AGBL4: variants seen among roughly 807,000 people sequenced by gnomAD.
AGBL4 encodes the protein cytosolic carboxypeptidase 6.
In AGBL4, 58 loss-of-function variants were observed where a neutral mutation model predicts 66.4. That is an observed-to-expected ratio of 0.87 (90% CI 0.71 to 1.09). AGBL4 has a LOEUF of 1.09. Among genes scored for constraint, AGBL4 ranks in the 50% least tolerant of loss-of-function variants. The pLI, the probability that AGBL4 is intolerant of heterozygous loss-of-function variation, is 0.00. For synonymous variants in AGBL4, 234 were observed against 222.9 expected (o/e 1.05, Z -0.44); for missense variants, 579 against 631.0 (o/e 0.92, Z 0.88).
chr1:48,799,529 A>G (rs948433051), intron 6 of AGBL4, among the ~76,000 whole-genome samples: 29 of 152,126 alleles, frequency 1.9e-4, no homozygotes, highest in African/African-American at 5.6e-4. Context: ...TACTAATACT[A>G]TGTTGAATAG....
chr1:48,648,531 A>G (rs1359573914), intron 8 of AGBL4, among the ~76,000 whole-genome samples: 1 of 152,150 alleles, frequency 6.6e-6, no homozygotes. Context: ...TGCTCAGGAG[A>G]GTAGTGAAAA....
At chr1:49,935,573 G>T (rs575968106) in intron 1 of AGBL4, among the ~76,000 whole-genome samples, 12 of 152,286 alleles carry the variant, frequency 7.9e-5, no homozygotes, top group Non-Finnish European at 1.2e-4. Flanking sequence ...CAGCCTAACT[G>T]GGAGGCACCC....
chr1:49,051,211 G>A (rs923172446), intron 4 of AGBL4, among the ~76,000 whole-genome samples: 8 of 152,080 alleles, frequency 5.3e-5, no homozygotes, highest in Non-Finnish European at 1.2e-4. Flanking sequence ...ATTCTTTCCA[G>A]GTTGTAAGTC....
intron 4 of AGBL4, among the ~76,000 whole-genome samples, chr1:49,115,739 A>G (rs1386460545): frequency 1.3e-5 from 2 of 152,126 alleles, no homozygotes; most frequent in Non-Finnish European, 2.9e-5. Flanking sequence ...ATTCAACACG[A>G]AGTTAATTTC....
At chr1:49,719,367 T>G (rs1266161461) in intron 2 of AGBL4, among the ~76,000 whole-genome samples, 1 of 152,112 alleles carries the variant, frequency 6.6e-6, no homozygotes, top group Non-Finnish European at 1.5e-5. Flanking sequence ...AGAAATCACT[T>G]CTTTTTAGAA....
At chr1:49,638,534 T>A (rs1645721303) in intron 3 of AGBL4, among the ~76,000 whole-genome samples, 1 of 152,206 alleles carries the variant, frequency 6.6e-6, no homozygotes, top group Non-Finnish European at 1.5e-5. Context: ...GAATTGTAGC[T>A]CTCATAATCC....
intron 5 of AGBL4, among the ~76,000 whole-genome samples, chr1:48,869,916 C>T (rs1450913594): frequency 6.6e-6 from 1 of 152,130 alleles, no homozygotes; most frequent in East Asian, 1.9e-4. Context: ...TTAGTAAAAT[C>T]AGTACATGTC....
rs1211278668 is a variant in AGBL4 at position 49,288,861 on chromosome 1, C to G, written c.283-42997G>C. ...CTCGACTGGATAAACATGATCTTCT[C>G]AAATGCTGTCTGCCTGGTAAAAAAA... On this transcript the variant is annotated intron_variant, in intron 3 of 13. Transcript: ENST00000371839. Among the ~76,000 whole-genome samples, 22 of 152,176 alleles carry G rather than the reference C, an allele frequency of 1.4e-4. 1 individual carries two copies.
At chr1:48,978,334 CA>C (rs1659500571) in intron 5 of AGBL4, among the ~76,000 whole-genome samples, 1 of 152,160 alleles carries the variant, frequency 6.6e-6, no homozygotes, top group Non-Finnish European at 1.5e-5. Flanking sequence ...TAGGTTCTGC[CA>C]ATAACTAAAG....
At chr1:49,076,064 G>A (rs1198069912) in intron 4 of AGBL4, among the ~76,000 whole-genome samples, 1 of 152,128 alleles carries the variant, frequency 6.6e-6, no homozygotes, top group Non-Finnish European at 1.5e-5. Flanking sequence ...TTTAAGTAAG[G>A]CAATATATTT....
chr1:49,147,077 G>A (rs1034036478), intron 4 of AGBL4, among the ~76,000 whole-genome samples: 1 of 152,186 alleles, frequency 6.6e-6, no homozygotes, highest in Non-Finnish European at 1.5e-5. Context: ...GGTGGAGCAG[G>A]AGATAGGTTT....
chr1:48,884,009 C>A (rs910841870), intron 5 of AGBL4, among the ~76,000 whole-genome samples: 4 of 152,186 alleles, frequency 2.6e-5, no homozygotes, highest in African/African-American at 4.8e-5. Context: ...CCTCAGAGGG[C>A]CTTCCTGCTC....
At chr1:49,420,007 G>A (rs1245472958) in intron 3 of AGBL4, among the ~76,000 whole-genome samples, 1 of 152,182 alleles carries the variant, frequency 6.6e-6, no homozygotes, top group East Asian at 1.9e-4. Flanking sequence ...CAGGATCTGT[G>A]TTTTAACAGG....
intron 3 of AGBL4, among the ~76,000 whole-genome samples, chr1:49,432,189 G>A (rs1210826443): frequency 6.6e-6 from 1 of 152,190 alleles, no homozygotes; most frequent in Admixed American, 6.5e-5. Flanking sequence ...AGGCTCCAGA[G>A]GAAGGTCTTC....
intron 6 of AGBL4, among the ~76,000 whole-genome samples, chr1:48,689,433 T>C (rs12090436): frequency 0.1 from 15,142 of 145,500 alleles, 2,574 homozygotes; most frequent in African/African-American, 0.39. Context: ...TCCTTTCTTC[T>C]TTCCTTCCCT....
intron 4 of AGBL4, among the ~76,000 whole-genome samples, chr1:49,162,968 C>A (rs1225574568): frequency 6.6e-6 from 1 of 152,124 alleles, no homozygotes; most frequent in African/African-American, 2.4e-5. Context: ...CTCCTTCTAT[C>A]CAACAATTCC....
At chr1:49,871,491 GT>G (rs1646838487) in intron 1 of AGBL4, among the ~76,000 whole-genome samples, 1 of 151,996 alleles carries the variant, frequency 6.6e-6, no homozygotes, top group South Asian at 2.1e-4. Flanking sequence ...TATATCAAGT[GT>G]TTTAAAGTTT....
At chr1:49,171,945 G>C (rs1366811623) in intron 4 of AGBL4, among the ~76,000 whole-genome samples, 2 of 152,126 alleles carry the variant, frequency 1.3e-5, no homozygotes, top group African/African-American at 2.4e-5. Context: ...CTTAGAGACA[G>C]GGACATTTAA....
chr1:49,076,794 G>A (rs1383703436), intron 4 of AGBL4, among the ~76,000 whole-genome samples: 1 of 152,110 alleles, frequency 6.6e-6, no homozygotes, highest in East Asian at 1.9e-4. Flanking sequence ...GCTTCCCACA[G>A]TGCTCTAGGT....
Sources: gnomAD v4.1 joint callset for allele counts (sites outside exome capture counted in the v4.1 genomes callset) on GRCh38, gnomAD v4.1.1 for gene constraint, MANE v1.5 for transcripts, NCBI Gene and HGNC (gene_info 2026-07-23, HGNC 2026-07-21) for gene names.